Variants in ATP9A observed in about 807,000 individuals in gnomAD.
The protein encoded by ATP9A is ATPase phospholipid transporting 9A.
Under a neutral mutation model 144.1 loss-of-function variants are expected in ATP9A, and 52 were observed. The observed-to-expected ratio is 0.36, with a 90% confidence interval of 0.29 to 0.45. The LOEUF (loss-of-function observed/expected upper bound fraction) is 0.45, where lower values mean the gene tolerates loss of function less well. ATP9A is among the 20% of genes least tolerant of loss of function. ATP9A has a pLI of 1.00. For missense variants in ATP9A, 947 were observed against 1,392.7 expected (o/e 0.68, Z 5.09); for synonymous variants, 582 against 557.4 (o/e 1.04, Z -0.62).
Position 51,625,208 on chromosome 20 carries a change from C to T in ATP9A, c.2000G>A (p.Arg667Lys), listed in dbSNP as rs1400913543. 6.2e-7 allele frequency: 1 copy of T among 1,612,906 alleles called. No homozygotes were observed. Reference sequence around the variant, plus strand: ...CCGCCCTACCTTGATGCCAGCATTCCTCAGGGTCTCCAGCGTGGGCCGCAC... The same window carrying T: ...CCGCCCTACCTTGATGCCAGCATTCTTCAGGGTCTCCAGCGTGGGCCGCAC... Reference protein sequence around the residue: ...ADVRPTLETLRNAGIKVWMLT... With the variant: ...ADVRPTLETLKNAGIKVWMLT... Residue 667 changes from arginine (R) to lysine (K), a missense_variant, in exon 18 of 28, where the codon AGG becomes AAG. Physicochemically the swap from Arg to Lys is conservative, Grantham distance 26 (BLOSUM62 2). Coordinates refer to ENST00000338821, the MANE Select transcript of ATP9A (RefSeq NM_006045.3).
Position 51,598,208 on chromosome 20 carries a change from G to C in ATP9A, c.*3003C>G, listed in dbSNP as rs567123235. 2.0e-3 allele frequency: 62 copies of C among 30,282 alleles called. 1 individual carries two copies. The highest frequency in any genetic ancestry group is 6.7e-3 in the Admixed American group (23 of 3,416). 1.9% of individuals were successfully genotyped at this position (30,282 alleles called of 1,614,324 possible). On this transcript the variant is annotated 3_prime_UTR_variant, in exon 28 of 28. Coordinates refer to ENST00000338821, the MANE Select transcript of ATP9A (RefSeq NM_006045.3). ...AAAAGAGAGACAAAAAGGAAGGGGT[G>C]GGGGGAGGGGAAGAAACCAAATAGA...
At chr20:51,752,037 A>G (rs2077834485) in intron 1 of ATP9A, among the ~76,000 whole-genome samples, 1 of 145,486 alleles carries the variant, frequency 6.9e-6, no homozygotes, top group East Asian at 2.0e-4. Flanking sequence ...GTAGGTGGGC[A>G]AGGTAGGAAC....
chr20:51,725,462 A>C (rs1414838789), intron 3 of ATP9A, among the ~76,000 whole-genome samples: 1 of 152,102 alleles, frequency 6.6e-6, no homozygotes, highest in Non-Finnish European at 1.5e-5. Flanking sequence ...GGGATGCTCA[A>C]CCTGTGATAT....
intron 14 of ATP9A, among the ~76,000 whole-genome samples, chr20:51,653,883 C>A (rs1262003774): frequency 6.6e-6 from 1 of 152,090 alleles, no homozygotes; most frequent in Non-Finnish European, 1.5e-5. Flanking sequence ...AATTTGAATT[C>A]CATCAAATAC....
At chr20:51,650,376 A>T (rs913740480) in intron 14 of ATP9A, among the ~76,000 whole-genome samples, 1 of 152,058 alleles carries the variant, frequency 6.6e-6, no homozygotes, top group Non-Finnish European at 1.5e-5. Flanking sequence ...TCTACTAAAA[A>T]TACAAAAATT....
Position 51,763,502 on chromosome 20 carries a change from T to C in ATP9A, c.68+4800A>G, listed in dbSNP as rs369143136. Among the ~76,000 whole-genome samples, 752 of 151,640 alleles carry C rather than the reference T, an allele frequency of 5.0e-3. 6 individuals carry two copies. The highest frequency in any genetic ancestry group is 0.031 in the South Asian group (148 of 4,796). On this transcript the variant is annotated intron_variant, in intron 1 of 27. Transcript: ENST00000338821. ...TAATTTTTTGTATTTTTAGTAGAGATGGGGTTTCACTTGTGTTAGCCAGGA... is the reference window on the plus strand; with the variant it reads ...TAATTTTTTGTATTTTTAGTAGAGACGGGGTTTCACTTGTGTTAGCCAGGA...
At chr20:51,704,664 C>T (rs1214709527) in intron 4 of ATP9A, among the ~76,000 whole-genome samples, 2 of 152,160 alleles carry the variant, frequency 1.3e-5, no homozygotes, top group African/African-American at 2.4e-5. Flanking sequence ...CCTGTAATCC[C>T]AGCTACTCGG....
intron 19 of ATP9A, among the ~76,000 whole-genome samples, chr20:51,621,616 C>T (rs1411439928): frequency 6.6e-6 from 1 of 152,214 alleles, no homozygotes; most frequent in African/African-American, 2.4e-5. Context: ...CTTCAAAAGG[C>T]TCCTCAATGG....
chr20:51,720,759 G>A (rs1285455701), intron 3 of ATP9A, among the ~76,000 whole-genome samples: 8 of 152,132 alleles, frequency 5.3e-5, no homozygotes, highest in Non-Finnish European at 8.8e-5. Context: ...GTTTGAACCC[G>A]GGAGGTGATG....
At chr20:51,760,566 A>C (rs1292402897) in intron 1 of ATP9A, among the ~76,000 whole-genome samples, 1 of 151,996 alleles carries the variant, frequency 6.6e-6, no homozygotes, top group African/African-American at 2.4e-5. Context: ...GTCTCTACTA[A>C]AACTACAAAA....
chr20:51,669,142 G>A (rs1568812336), intron 13 of ATP9A, among the ~76,000 whole-genome samples: 1 of 152,192 alleles, frequency 6.6e-6, no homozygotes, highest in Non-Finnish European at 1.5e-5. Flanking sequence ...AGCAAGGGGT[G>A]TGTTTGTCTT....
At chr20:51,614,715 T>C (rs1046718856) in intron 22 of ATP9A, among the ~76,000 whole-genome samples, 1 of 152,148 alleles carries the variant, frequency 6.6e-6, no homozygotes, top group African/African-American at 2.4e-5. Flanking sequence ...ACAGTGCTCA[T>C]GCCAAACCAG....
intron 1 of ATP9A, among the ~76,000 whole-genome samples, chr20:51,745,287 T>C (rs1414938421): frequency 7.0e-6 from 1 of 143,548 alleles, no homozygotes; most frequent in Non-Finnish European, 1.5e-5. Context: ...AAAAAAAAAT[T>C]AGCTGGGCAT....
chr20:51,728,160 T>G (rs1281047717), intron 2 of ATP9A, among the ~76,000 whole-genome samples: 3 of 152,120 alleles, frequency 2.0e-5, no homozygotes, highest in Non-Finnish European at 4.4e-5. Flanking sequence ...CTTGAGCCAC[T>G]CTGGTGACTT....
chr20:51,767,223 G>A (rs1004881826), intron 1 of ATP9A, among the ~76,000 whole-genome samples: 24 of 152,022 alleles, frequency 1.6e-4, no homozygotes, highest in Non-Finnish European at 1.2e-4. Flanking sequence ...GCCCGAGGAA[G>A]GGCGGAGCAG....
intron 13 of ATP9A, among the ~76,000 whole-genome samples, chr20:51,663,313 G>T (rs2077418775): frequency 1.3e-5 from 2 of 152,082 alleles, no homozygotes; most frequent in Admixed American, 1.3e-4. Context: ...TGTCCACCCA[G>T]GTGTTAATAC....
At chr20:51,639,736 T>C (rs901637390) in intron 14 of ATP9A, among the ~76,000 whole-genome samples, 2 of 152,138 alleles carry the variant, frequency 1.3e-5, no homozygotes, top group African/African-American at 4.8e-5. Context: ...TCATCTTTTC[T>C]AGGCTCAAAA....
intron 3 of ATP9A, among the ~76,000 whole-genome samples, chr20:51,715,364 G>C (rs2077657542): frequency 6.6e-6 from 1 of 152,210 alleles, no homozygotes; most frequent in Non-Finnish European, 1.5e-5. Context: ...TAGGGAGTGA[G>C]AGAAAACCTG....
rs1171415481 is a variant in ATP9A, at chr20:51,601,195, C to G, written c.*16G>C. Reference sequence around the variant, plus strand: ...GGAAGCGCCAAGACCAGGGCCCCCTCCAGCGAACGCACGGCCTATGATGTG... The same window carrying G: ...GGAAGCGCCAAGACCAGGGCCCCCTGCAGCGAACGCACGGCCTATGATGTG... On this transcript the variant is annotated 3_prime_UTR_variant, in exon 28 of 28. Transcript: ENST00000338821. 13 of 1,587,046 alleles carry G rather than the reference C, an allele frequency of 8.2e-6. No homozygotes were observed. The highest frequency in any genetic ancestry group is 1.0e-5 in the Non-Finnish European group (12 of 1,166,288).
Sources: allele counts gnomAD v4.1 joint callset (sites outside exome capture counted in the v4.1 genomes callset), GRCh38; gene constraint gnomAD v4.1.1; transcripts MANE v1.5; gene names NCBI Gene and HGNC (gene_info 2026-07-23, HGNC 2026-07-21).